Variants in MARCHF11 observed in about 807,000 individuals in gnomAD.
The protein encoded by MARCHF11 is E3 ubiquitin-protein ligase MARCHF11.
Under a neutral mutation model 37.3 loss-of-function variants are expected in MARCHF11, and 29 were observed. The observed-to-expected ratio is 0.78, with a 90% CI of 0.58 to 1.06. The LOEUF (loss-of-function observed/expected upper bound fraction) is 1.06. Ranked by LOEUF, MARCHF11 falls within the 50% of genes least tolerant of loss-of-function variation. The pLI is 0.00. For missense variants in MARCHF11, 482 were observed against 533.4 expected (o/e 0.90, Z 0.95); for synonymous variants, 233 against 228.0 (o/e 1.02, Z -0.20).
intron 1 of MARCHF11, among the ~76,000 whole-genome samples, chr5:16,178,246 G>C (rs1364890160): frequency 1.3e-5 from 2 of 152,174 alleles, no homozygotes; most frequent in East Asian, 1.9e-4. Flanking sequence ...GAAACGCATG[G>C]CATCCCAGAA....
At position 16,090,986 on chromosome 5, in the gene MARCHF11, G is replaced by C; in HGVS notation, c.789C>G (p.Leu263=). The change falls in exon 3 of 4, where the codon CTC becomes CTG. Residue 263 remains leucine (L), a synonymous_variant. Coordinates refer to ENST00000332432, the MANE Select transcript of MARCHF11 (RefSeq NM_001102562.3). Reference sequence around the variant, plus strand: ...CTGCATAGGGGCTGAAGGCTGACCAGAGGAGCCAAGTCACACTGGCTATTA... The same window carrying C: ...CTGCATAGGGGCTGAAGGCTGACCACAGGAGCCAAGTCACACTGGCTATTA... ...LFLIASVTWL[L]WSAFSPYAVW... is the part of the protein sequence containing the mutation. 1 of 1,612,626 alleles carries C rather than the reference G, an allele frequency of 6.2e-7. No homozygotes were observed. The highest frequency in any genetic ancestry group is 8.5e-7 in the Non-Finnish European group (1 of 1,179,554).
At chr5:16,161,192 C>A (rs180907452) in intron 2 of MARCHF11, among the ~76,000 whole-genome samples, 7 of 106,580 alleles carry the variant, frequency 6.6e-5, no homozygotes, top group African/African-American at 1.5e-4. Flanking sequence ...CCCCTCCCCC[C>A]ACCCCAGAAA....
chr5:16,177,997 T>A, intron 1 of MARCHF11, 116 bp from the exon 2 acceptor site: 3 of 979,940 alleles, frequency 3.1e-6, no homozygotes, highest in Non-Finnish European at 4.2e-6. Flanking sequence ...TCAGGCTCTA[T>A]CATAGGAAAT....
At chr5:16,100,681 A>G (rs1316051316) in intron 2 of MARCHF11, among the ~76,000 whole-genome samples, 1 of 152,158 alleles carries the variant, frequency 6.6e-6, no homozygotes, top group Admixed American at 6.5e-5. Context: ...GTCTTTGGAA[A>G]CAGGAGTTGA....
intron 2 of MARCHF11, among the ~76,000 whole-genome samples, chr5:16,174,403 T>C (rs963991919): frequency 1.3e-5 from 2 of 152,242 alleles, no homozygotes; most frequent in African/African-American, 2.4e-5. Context: ...TAGCTTTCTA[T>C]TGGGTCATGC....
In MARCHF11 at chr5:16,071,949, G is replaced by GT. The variant is rs1192272754; in HGVS notation, c.887-4157dup. On this transcript the variant is annotated intron_variant, in intron 3 of 3. Coordinates refer to ENST00000332432, the MANE Select transcript of MARCHF11 (RefSeq NM_001102562.3). ...TACAAACAGGTACTAGTTTTTGTGT[G>GT]TTTTTTTGTTTTTTTTGTTTGTTTT... 2.6e-5 allele frequency among the ~76,000 whole-genome samples: 4 copies of GT among 151,594 alleles called. No homozygotes were observed. The South Asian group carries it at 6.2e-4, about 24-fold the overall frequency.
Position 16,155,091 on chromosome 5 carries a change from C to G in MARCHF11, c.693+22635G>C, listed in dbSNP as rs191248941. ...TATCTAATGTTCCTAACTAGGAAAA[C>G]TGTTAGATAACTGTTAAATTCATTC... On this transcript the variant is annotated intron_variant, in intron 2 of 3. Coordinates refer to ENST00000332432, the MANE Select transcript of MARCHF11 (RefSeq NM_001102562.3). 1.8e-4 allele frequency among the ~76,000 whole-genome samples: 28 copies of G among 151,886 alleles called. No individual in the cohort carries two copies. In the East Asian group the frequency reaches 5.1e-3, roughly 27 times the overall value.
At chr5:16,171,557 T>C (rs933231881) in intron 2 of MARCHF11, among the ~76,000 whole-genome samples, 1 of 152,144 alleles carries the variant, frequency 6.6e-6, no homozygotes. Flanking sequence ...ATTAAGATGA[T>C]ATGAAATTCA....
At chr5:16,109,724 G>A (rs2126569453) in intron 2 of MARCHF11, among the ~76,000 whole-genome samples, 1 of 152,306 alleles carries the variant, frequency 6.6e-6, no homozygotes, top group Non-Finnish European at 1.5e-5. Flanking sequence ...CCTGGACTTG[G>A]GACTGGTGTC....
chr5:16,108,724 C>T (rs1341083580), intron 2 of MARCHF11, among the ~76,000 whole-genome samples: 1 of 152,146 alleles, frequency 6.6e-6, no homozygotes, highest in African/African-American at 2.4e-5. Context: ...GATTACAAGG[C>T]CAGGCGGGTG....
intron 2 of MARCHF11, among the ~76,000 whole-genome samples, chr5:16,111,716 A>G (rs915816404): frequency 6.6e-6 from 1 of 152,244 alleles, no homozygotes; most frequent in African/African-American, 2.4e-5. Flanking sequence ...GTTAATCAGC[A>G]AGACAATAGG....
At chr5:16,154,686 A>G (rs1348979012) in intron 2 of MARCHF11, among the ~76,000 whole-genome samples, 1 of 151,988 alleles carries the variant, frequency 6.6e-6, no homozygotes, top group Non-Finnish European at 1.5e-5. Flanking sequence ...GGCAAATAAT[A>G]TAAACATATA....
chr5:16,142,621 C>T (rs1737728452), intron 2 of MARCHF11, among the ~76,000 whole-genome samples: 1 of 152,044 alleles, frequency 6.6e-6, no homozygotes. Flanking sequence ...CTTCCACTAC[C>T]CCGGCCTCCC....
intron 2 of MARCHF11, among the ~76,000 whole-genome samples, chr5:16,138,861 T>C (rs1246773905): frequency 6.6e-6 from 1 of 152,224 alleles, no homozygotes; most frequent in African/African-American, 2.4e-5. Context: ...CCTCTTTGTT[T>C]TGGCCAGTTT....
At chr5:16,156,500 G>T (rs1737979448) in intron 2 of MARCHF11, among the ~76,000 whole-genome samples, 1 of 151,854 alleles carries the variant, frequency 6.6e-6, no homozygotes, top group Non-Finnish European at 1.5e-5. Flanking sequence ...ACTAGGAAAT[G>T]ATTCAATGAA....
intron 2 of MARCHF11, among the ~76,000 whole-genome samples, chr5:16,176,265 T>A (rs1307619874): frequency 6.6e-6 from 1 of 152,172 alleles, no homozygotes; most frequent in African/African-American, 2.4e-5. Context: ...TGACCATAGC[T>A]CTTCTCATGG....
intron 2 of MARCHF11, among the ~76,000 whole-genome samples, chr5:16,097,902 C>T (rs1736897757): frequency 6.6e-6 from 1 of 152,104 alleles, no homozygotes; most frequent in South Asian, 2.1e-4. Flanking sequence ...AAATTTCAGG[C>T]CAATATTCTT....
At chr5:16,174,318 C>G (rs1738320529) in intron 2 of MARCHF11, among the ~76,000 whole-genome samples, 1 of 152,180 alleles carries the variant, frequency 6.6e-6, no homozygotes, top group Non-Finnish European at 1.5e-5. Context: ...TTAATTACCT[C>G]AAATGTCTTA....
Position 16,096,543 on chromosome 5 carries a change from T to A in MARCHF11, c.694-5462A>T, listed in dbSNP as rs555761393. On this transcript the variant is annotated intron_variant, in intron 2 of 3. Transcript: ENST00000332432. ...GGGAGGTTCCGTGTTAGTGGAGTAT[T>A]CTCCATGAGAAATTAGAAAAGCACT... Among the ~76,000 whole-genome samples, 4 of 152,312 alleles carry A rather than the reference T, an allele frequency of 2.6e-5. No individual in the cohort carries two copies. In the East Asian group the frequency reaches 7.7e-4, roughly 29 times the overall value.
Sources: gnomAD v4.1 joint callset for allele counts (sites outside exome capture counted in the v4.1 genomes callset) on GRCh38, gnomAD v4.1.1 for gene constraint, MANE v1.5 for transcripts, NCBI Gene and HGNC (gene_info 2026-07-23, HGNC 2026-07-21) for gene names.